The following WDR31 variants were observed in gnomAD, a reference collection of about 807,000 sequenced individuals.
WDR31 encodes the protein WD repeat-containing protein 31.
Under a neutral mutation model 47.3 loss-of-function variants are expected in WDR31, and 30 were observed. That is an observed-to-expected ratio of 0.63 (90% CI 0.47 to 0.86). The LOEUF is 0.86. Among genes scored for constraint, WDR31 ranks in the 40% least tolerant of loss-of-function variants. The probability of loss-of-function intolerance (pLI) is 0.00; values close to 1 mark genes in which losing one functional copy is unlikely to be tolerated. For missense variants in WDR31, 406 were observed against 442.9 expected (o/e 0.92, Z 0.75); for synonymous variants, 137 against 159.4 (o/e 0.86, Z 1.06).
intron 9 of WDR31, 145 bp from the exon 10 acceptor site, chr9:113,318,782 C>A: frequency 1.3e-6 from 1 of 786,034 alleles, no homozygotes; most frequent in Non-Finnish European, 2.0e-6. Flanking sequence ...ATCCACAGAC[C>A]CAACAACCCA....
Position 113,331,902 on chromosome 9 carries a change from A to G in WDR31, c.116+5T>C, listed in dbSNP as rs900481801. 6.2e-7 allele frequency: 1 copy of G among 1,612,950 alleles called. No individual in the cohort carries two copies. The highest frequency in any genetic ancestry group is 1.7e-5 in the Admixed American group (1 of 59,994). On this transcript the variant is annotated splice_donor_5th_base_variant and intron_variant, in intron 3 of 10. Transcript: ENST00000374193. Reference sequence around the variant, plus strand: ...ACCTGGGCTCCCAGGGGAGGATTGCAGTACCCGTATTTATAAGTGCTGTGT... The same window carrying G: ...ACCTGGGCTCCCAGGGGAGGATTGCGGTACCCGTATTTATAAGTGCTGTGT...
chr9:113,327,607 T>C (rs1221955956), intron 5 of WDR31, among the ~76,000 whole-genome samples: 1 of 152,224 alleles, frequency 6.6e-6, no homozygotes, highest in Non-Finnish European at 1.5e-5. Flanking sequence ...GCTGATTATG[T>C]CTTGTCTAAA....
At chr9:113,322,708 G>A (rs1021166706) in intron 7 of WDR31, 103 bp downstream of exon 7, 1 of 1,157,714 alleles carries the variant, frequency 8.6e-7, no homozygotes, top group Non-Finnish European at 1.2e-6. Flanking sequence ...TGGGACCCAG[G>A]CTCTAATTTC....
In WDR31 at chr9:113,323,166, A is replaced by T; in HGVS notation, c.325-11T>A. The T allele has an allele frequency of 6.2e-7, 1 of 1,610,226 alleles. No individual in the cohort carries two copies. The highest frequency in any genetic ancestry group is 1.3e-5 in the African/African-American group (1 of 74,948). On this transcript the variant is annotated splice_polypyrimidine_tract_variant and intron_variant, in intron 5 of 10. Transcript: ENST00000374193. ...GGGAATACAGGCTACCTGCTCAGGG[A>T]AAAAACAACAACACTGAAATAGCTC...
intron 4 of WDR31, among the ~76,000 whole-genome samples, chr9:113,330,123 CAG>C (rs1165598577): frequency 1.3e-5 from 2 of 152,046 alleles, no homozygotes; most frequent in Non-Finnish European, 2.9e-5. Context: ...TTTTTTGAGA[CAG>C]AGTCTTGCTC....
At chr9:113,324,125 G>A (rs964971168) in intron 5 of WDR31, among the ~76,000 whole-genome samples, 7 of 151,844 alleles carry the variant, frequency 4.6e-5, no homozygotes, top group African/African-American at 1.5e-4. Flanking sequence ...TCATTGTTGT[G>A]TAACCATCAC....
intron 7 of WDR31, among the ~76,000 whole-genome samples, chr9:113,322,301 T>A (rs757188948): frequency 1.3e-5 from 2 of 151,980 alleles, no homozygotes; most frequent in African/African-American, 2.4e-5. Flanking sequence ...AAGTAATAGA[T>A]CCATGATTTT....
chr9:113,314,581 G>A lies in WDR31; in HGVS notation c.*2168C>T, dbSNP rs1379183790. 6 of 151,884 alleles carry A rather than the reference G, an allele frequency of 4.0e-5. No homozygotes were observed. The highest frequency in any genetic ancestry group is 1.5e-4 in the African/African-American group (6 of 41,320). 9.4% of individuals were successfully genotyped at this position (151,884 alleles called of 1,614,324 possible). On this transcript the variant is annotated 3_prime_UTR_variant, in exon 11 of 11. Transcript: ENST00000374193. ...ACAGAGAGGACAATAAATAATTATG[G>A]CTACCATTTGTCACCACCTTTCCTG...
rs1214831829 is a variant in WDR31, at chr9:113,324,562, GTATTTTC to G, written c.325-1414_325-1408del. Among the ~76,000 whole-genome samples, 11 of 151,280 alleles carry G rather than the reference GTATTTTC, an allele frequency of 7.3e-5. No individual in the cohort carries two copies. In the South Asian group the frequency reaches 1.5e-3, roughly 20 times the overall value. ...GCGCCACCATACCTGACTAATTTTT[GTATTTTC>G]TGTAGAGACAGGGTTTTGCCATGTT... On this transcript the variant is annotated intron_variant, in intron 5 of 10. Coordinates refer to ENST00000374193, the MANE Select transcript of WDR31 (RefSeq NM_001012361.4).
rs533882568 is a variant in WDR31 at position 113,316,134 on chromosome 9, G to C, written c.*615C>G. The C allele has an allele frequency of 2.0e-5, 3 of 152,366 alleles. No individual in the cohort carries two copies. The East Asian group carries it at 5.8e-4, about 29-fold the overall frequency. The allele number at this position is 152,366 out of a possible 1,614,324, so 9.4% of individuals were successfully genotyped here. ...TTTTCACACAAGCTCAGCAGCACTG[G>C]GCTAGAAGGGTACCGCCCTCCCACT... On this transcript the variant is annotated 3_prime_UTR_variant, in exon 11 of 11. Coordinates refer to ENST00000374193, the MANE Select transcript of WDR31 (RefSeq NM_001012361.4).
chr9:113,333,283 A>G (rs888749263), intron 2 of WDR31, among the ~76,000 whole-genome samples: 15 of 152,092 alleles, frequency 9.9e-5, no homozygotes, highest in African/African-American at 3.6e-4. Flanking sequence ...TGTAATCAAA[A>G]ATAAAAAATA....
rs1444109791 is a variant in WDR31 at position 113,333,676 on chromosome 9, C to T, written c.-28-1626G>A. Among the ~76,000 whole-genome samples, 879 of 151,822 alleles carry T rather than the reference C, an allele frequency of 5.8e-3. 8 individuals are homozygous for T. The highest frequency in any genetic ancestry group is 0.02 in the African/African-American group (835 of 41,426). On this transcript the variant is annotated intron_variant, in intron 2 of 10. Transcript: ENST00000374193. ...GATTACAGGCGTGAGCCACCGCGCC[C>T]GGCCGGATTTTTTTTTTTTTAATAA... is the stretch of plus-strand genomic sequence containing the variant.
rs1053315170 is a variant in WDR31, at chr9:113,333,227, TTTATG to T, written c.-28-1182_-28-1178del. 5.3e-5 allele frequency among the ~76,000 whole-genome samples: 8 copies of T among 152,002 alleles called. No individual in the cohort carries two copies. In the South Asian group the frequency reaches 6.2e-4, roughly 12 times the overall value. ...ATACTAAATGTCACTAATCATAAATTTTATGTTATGTGCACTCTGCCACAATAAAA... is the reference window on the plus strand; with the variant it reads ...ATACTAAATGTCACTAATCATAAATTTTATGTGCACTCTGCCACAATAAAA... On this transcript the variant is annotated intron_variant, in intron 2 of 10. Transcript: ENST00000374193.
At chr9:113,325,143 T>C (rs1051947915) in intron 5 of WDR31, among the ~76,000 whole-genome samples, 8 of 151,630 alleles carry the variant, frequency 5.3e-5, no homozygotes, top group African/African-American at 1.9e-4. Flanking sequence ...TTAGTAGACA[T>C]GGAGTTTTGC....
intron 5 of WDR31, among the ~76,000 whole-genome samples, chr9:113,326,061 G>A (rs915902939): frequency 2.6e-5 from 4 of 152,048 alleles, no homozygotes; most frequent in Admixed American, 6.6e-5. Context: ...ACAGGCATGC[G>A]CCACCACACC....
chr9:113,328,602 T>C (rs573658986), intron 5 of WDR31, among the ~76,000 whole-genome samples: 15 of 152,222 alleles, frequency 9.9e-5, no homozygotes, highest in Non-Finnish European at 1.8e-4. Flanking sequence ...ACAGTACTTG[T>C]TGAGTCAGGA....
chr9:113,329,906 A>C (rs1347628317), intron 4 of WDR31, among the ~76,000 whole-genome samples: 1 of 151,948 alleles, frequency 6.6e-6, no homozygotes, highest in African/African-American at 2.4e-5. Flanking sequence ...GCTTGAACCC[A>C]GGAGGCGGAG....
intron 2 of WDR31, among the ~76,000 whole-genome samples, chr9:113,333,075 T>A (rs12006029): frequency 0.17 from 25,530 of 152,052 alleles, 2,940 homozygotes; most frequent in African/African-American, 0.33. Context: ...CTTTTCTTTA[T>A]AAACTACTTA....
At chr9:113,324,727 G>A (rs1833415383) in intron 5 of WDR31, among the ~76,000 whole-genome samples, 3 of 151,872 alleles carry the variant, frequency 2.0e-5, no homozygotes, top group Admixed American at 6.6e-5. Flanking sequence ...ATAGCCCACT[G>A]TATGTATATT....
Sources: gnomAD v4.1 joint callset for allele counts (sites outside exome capture counted in the v4.1 genomes callset) on GRCh38, gnomAD v4.1.1 for gene constraint, MANE v1.5 for transcripts, NCBI Gene and HGNC (gene_info 2026-07-23, HGNC 2026-07-21) for gene names.